The following RAPGEF4 variants were observed in gnomAD, a reference collection of about 807,000 sequenced individuals.
The protein encoded by RAPGEF4 is Rap guanine nucleotide exchange factor 4.
In RAPGEF4, 66 loss-of-function variants were observed where a neutral mutation model predicts 147.9. The observed-to-expected ratio is 0.45, with a 90% CI of 0.37 to 0.55. The LOEUF (loss-of-function observed/expected upper bound fraction) is 0.55. Among genes scored for constraint, RAPGEF4 ranks in the 20% least tolerant of loss-of-function variants. The probability of loss-of-function intolerance (pLI) is 0.00; values close to 1 mark genes in which losing one functional copy is unlikely to be tolerated. For missense variants in RAPGEF4, 1,071 were observed against 1,257.3 expected (o/e 0.85, Z 2.24); for synonymous variants, 419 against 442.7 (o/e 0.95, Z 0.67).
chr2:172,857,901 A>G, intron 4 of RAPGEF4, among the ~76,000 whole-genome samples: 1 of 7,034 alleles, frequency 1.4e-4, no homozygotes, highest in Non-Finnish European at 5.1e-4. Context: ...AAAAAAAAAA[A>G]AAAAAAAAAA....
intron 10 of RAPGEF4, among the ~76,000 whole-genome samples, chr2:172,976,961 A>G (rs1691140347): frequency 1.3e-5 from 2 of 152,216 alleles, no homozygotes. Context: ...GCCTTTCCAC[A>G]GCGGGATCCG....
chr2:173,047,278 T>C (rs1174233930), intron 29 of RAPGEF4, among the ~76,000 whole-genome samples: 1 of 152,236 alleles, frequency 6.6e-6, no homozygotes, highest in Non-Finnish European at 1.5e-5. Flanking sequence ...CCATTTTCTT[T>C]TCTCTTTTCT....
intron 5 of RAPGEF4, among the ~76,000 whole-genome samples, chr2:172,918,617 C>CTAAA (rs1684369068): frequency 6.6e-6 from 1 of 152,138 alleles, no homozygotes; most frequent in African/African-American, 2.4e-5. Flanking sequence ...TGGGTCCCCA[C>CTAAA]TAAACTCAAA....
At chr2:172,946,506 C>G (rs906473840) in intron 6 of RAPGEF4, among the ~76,000 whole-genome samples, 1 of 152,156 alleles carries the variant, frequency 6.6e-6, no homozygotes, top group Admixed American at 6.5e-5. Flanking sequence ...CACTTTCTCT[C>G]ACCTCCTCCC....
Position 172,988,730 on chromosome 2 carries a change from G to A in RAPGEF4, c.1265G>A (p.Gly422Asp), listed in dbSNP as rs1474499669. 2 of 1,612,426 alleles carry A rather than the reference G, an allele frequency of 1.2e-6. No individual in the cohort carries two copies. The highest frequency in any genetic ancestry group is 1.7e-5 in the Admixed American group (1 of 60,006). The change falls in exon 14 of 31, where the codon GGC becomes GAC. Residue 422 changes from glycine to aspartate, a missense_variant. Coordinates refer to ENST00000397081, the MANE Select transcript of RAPGEF4 (RefSeq NM_007023.4). Reference sequence around the variant, plus strand: ...ACCCTGCATGAAGGAGATGACTTCGGCAAGTTAGCACTAGTGAATGATGCC... The same window carrying A: ...ACCCTGCATGAAGGAGATGACTTCGACAAGTTAGCACTAGTGAATGATGCC... ...VCTLHEGDDF[G>D]KLALVNDAPR...
chr2:172,906,796 G>T (rs1699675591), intron 4 of RAPGEF4, among the ~76,000 whole-genome samples: 5 of 150,650 alleles, frequency 3.3e-5, no homozygotes, highest in Admixed American at 2.6e-4. Flanking sequence ...GTCTTCACTT[G>T]TCAGATGGCT....
At chr2:172,967,805 G>A (rs1293194586) in intron 10 of RAPGEF4, among the ~76,000 whole-genome samples, 1 of 152,216 alleles carries the variant, frequency 6.6e-6, no homozygotes, top group East Asian at 1.9e-4. Context: ...CAGGACAGAG[G>A]TCATCAGGAC....
intron 6 of RAPGEF4, among the ~76,000 whole-genome samples, chr2:172,943,079 A>G (rs1190550828): frequency 6.6e-6 from 1 of 152,132 alleles, no homozygotes; most frequent in Non-Finnish European, 1.5e-5. Context: ...AGGGAGGGGA[A>G]CACACGTTTT....
At chr2:172,768,505 TAA>T (rs60090129) in intron 1 of RAPGEF4, among the ~76,000 whole-genome samples, 48 of 98,336 alleles carry the variant, frequency 4.9e-4, no homozygotes, top group Middle Eastern at 6.7e-3. Flanking sequence ...CAACCAAAAG[TAA>T]AAAAAAAAAA....
chr2:172,859,011 G>T (rs191541739), intron 4 of RAPGEF4, among the ~76,000 whole-genome samples: 1 of 152,260 alleles, frequency 6.6e-6, no homozygotes, highest in East Asian at 1.9e-4. Flanking sequence ...TTAGGGAAAT[G>T]AATATATAAA....
chr2:173,048,394 C>A, intron 29 of RAPGEF4: 1 of 1,136,138 alleles, frequency 8.8e-7, no homozygotes. Flanking sequence ...ATATTCCTTA[C>A]CTGAAAATGC....
At chr2:172,843,146 G>A (rs140889357) in intron 4 of RAPGEF4, among the ~76,000 whole-genome samples, 194 of 152,258 alleles carry the variant, frequency 1.3e-3, no homozygotes, top group African/African-American at 4.1e-3. Context: ...CAGTAGTCTA[G>A]ATATGCCAAG....
intron 4 of RAPGEF4, among the ~76,000 whole-genome samples, chr2:172,895,360 C>T (rs554425841): frequency 1.3e-5 from 2 of 152,268 alleles, no homozygotes; most frequent in Non-Finnish European, 2.9e-5. Context: ...TGAGTATCTC[C>T]AAGGAGTCGT....
At chr2:172,941,869 A>G (rs1310676980) in intron 6 of RAPGEF4, among the ~76,000 whole-genome samples, 1 of 152,154 alleles carries the variant, frequency 6.6e-6, no homozygotes, top group Non-Finnish European at 1.5e-5. Flanking sequence ...TTAAATAAGA[A>G]CACGCATATA....
intron 29 of RAPGEF4, among the ~76,000 whole-genome samples, chr2:173,047,120 T>G (rs913403351): frequency 1.3e-5 from 2 of 150,430 alleles, no homozygotes; most frequent in African/African-American, 4.9e-5. Flanking sequence ...CAGGACCCCC[T>G]TTAGAGCCTG....
chr2:172,792,555 A>G (rs867330612), intron 1 of RAPGEF4, among the ~76,000 whole-genome samples: 14 of 152,284 alleles, frequency 9.2e-5, no homozygotes, highest in Middle Eastern at 3.4e-3. Context: ...TTGGGAGGCC[A>G]GGGAGGTTGT....
chr2:172,921,440 TA>T (rs1684751205), intron 5 of RAPGEF4, among the ~76,000 whole-genome samples: 1 of 152,230 alleles, frequency 6.6e-6, no homozygotes. Flanking sequence ...GCTCCTTGTG[TA>T]AAAACAAAAT....
At chr2:172,950,330 A>G (rs1271080020) in intron 6 of RAPGEF4, among the ~76,000 whole-genome samples, 1 of 152,212 alleles carries the variant, frequency 6.6e-6, no homozygotes. Context: ...GGCTTGGCCA[A>G]GGTGACCCTG....
At chr2:172,889,789 A>G in intron 4 of RAPGEF4, 6 of 971,916 alleles carry the variant, frequency 6.2e-6, no homozygotes, top group Non-Finnish European at 7.3e-6. Flanking sequence ...GATATTTTGT[A>G]AGATTCTAGT....
Sources: gnomAD v4.1 joint callset for allele counts (sites outside exome capture counted in the v4.1 genomes callset) on GRCh38, gnomAD v4.1.1 for gene constraint, MANE v1.5 for transcripts, NCBI Gene and HGNC (gene_info 2026-07-23, HGNC 2026-07-21) for gene names.